Variants in LRP1B observed in about 807,000 individuals in gnomAD.
LRP1B encodes the protein low-density lipoprotein receptor-related protein 1B.
In LRP1B, 217 loss-of-function variants were observed where a neutral mutation model predicts 556.6. The observed-to-expected ratio is 0.39, with a 90% CI of 0.35 to 0.44. LRP1B has a LOEUF of 0.44. Among genes scored for constraint, LRP1B ranks in the 20% least tolerant of loss-of-function variants. LRP1B has a pLI of 1.00. For synonymous variants in LRP1B, 2,047 were observed against 1,865.8 expected (o/e 1.10, Z -2.50); for missense variants, 5,053 against 5,620.8 (o/e 0.90, Z 3.23).
At chr2:140,853,384 G>A (rs915018737) in intron 27 of LRP1B, among the ~76,000 whole-genome samples, 1 of 151,990 alleles carries the variant, frequency 6.6e-6, no homozygotes, top group Admixed American at 6.6e-5. Flanking sequence ...TTCCTCAGAA[G>A]GCTCCTATGT....
At chr2:140,757,393 C>T (rs2104907870) in intron 35 of LRP1B, among the ~76,000 whole-genome samples, 1 of 152,188 alleles carries the variant, frequency 6.6e-6, no homozygotes, top group South Asian at 2.1e-4. Context: ...GGAAATAACT[C>T]AAATGTCTAT....
intron 2 of LRP1B, among the ~76,000 whole-genome samples, chr2:141,524,280 A>ATATAT (rs1553528056): frequency 6.6e-6 from 1 of 151,306 alleles, no homozygotes. Flanking sequence ...ATATATATAT[A>ATATAT]AAACTCAATG....
chr2:141,330,715 T>C (rs1687606068), intron 3 of LRP1B, among the ~76,000 whole-genome samples: 1 of 151,392 alleles, frequency 6.6e-6, no homozygotes, highest in African/African-American at 2.4e-5. Flanking sequence ...CACTTAAAGA[T>C]AATCAGGGAT....
At chr2:140,340,639 T>C (rs531046822) in intron 77 of LRP1B, among the ~76,000 whole-genome samples, 2 of 151,106 alleles carry the variant, frequency 1.3e-5, no homozygotes, top group South Asian at 2.1e-4. Flanking sequence ...AAACGATTGG[T>C]TGAGGAGTAA....
intron 1 of LRP1B, among the ~76,000 whole-genome samples, chr2:141,905,236 G>A (rs1699722084): frequency 6.6e-6 from 1 of 151,862 alleles, no homozygotes. Flanking sequence ...CTAGGACAAA[G>A]GGCAGGGCTG....
intron 1 of LRP1B, among the ~76,000 whole-genome samples, chr2:142,046,317 C>G (rs1301360580): frequency 6.6e-6 from 1 of 151,890 alleles, no homozygotes; most frequent in Admixed American, 6.6e-5. Flanking sequence ...TGGCTCATTC[C>G]AGTTCCAGCA....
chr2:140,584,757 A>G (rs1681914791), intron 43 of LRP1B, among the ~76,000 whole-genome samples: 1 of 152,138 alleles, frequency 6.6e-6, no homozygotes, highest in African/African-American at 2.4e-5. Context: ...AATCAAAGGA[A>G]TTGTGTAAGA....
At chr2:141,145,680 C>T (rs113516863) in intron 7 of LRP1B, among the ~76,000 whole-genome samples, 16,344 of 150,562 alleles carry the variant, frequency 0.11, 1,031 homozygotes, top group South Asian at 0.18. Flanking sequence ...ATTATAGGCA[C>T]GCACCACCAC....
At chr2:140,750,593 C>T (rs2104893408) in intron 35 of LRP1B, among the ~76,000 whole-genome samples, 1 of 152,234 alleles carries the variant, frequency 6.6e-6, no homozygotes, top group East Asian at 1.9e-4. Flanking sequence ...CACTGTTACC[C>T]ATTTCTTCTA....
chr2:141,226,057 A>G (rs1210607442), intron 6 of LRP1B, among the ~76,000 whole-genome samples: 1 of 152,150 alleles, frequency 6.6e-6, no homozygotes, highest in Non-Finnish European at 1.5e-5. Context: ...AGTCTGACCC[A>G]AATGCAAACC....
At chr2:140,987,859 C>T (rs977150633) in intron 17 of LRP1B, among the ~76,000 whole-genome samples, 3 of 151,948 alleles carry the variant, frequency 2.0e-5, no homozygotes, top group Non-Finnish European at 2.9e-5. Context: ...TGGTGTGTGC[C>T]TGTAGTCCTA....
chr2:140,820,257 G>A (rs1289441244), intron 31 of LRP1B, among the ~76,000 whole-genome samples: 1 of 152,156 alleles, frequency 6.6e-6, no homozygotes, highest in African/African-American at 2.4e-5. Flanking sequence ...TGGAATTACA[G>A]GCATCAGCCA....
chr2:141,680,747 G>C (rs1691071145), intron 2 of LRP1B, among the ~76,000 whole-genome samples: 1 of 152,086 alleles, frequency 6.6e-6, no homozygotes. Context: ...AAAATTTCTA[G>C]GAAGTGTTGC....
chr2:140,997,891 A>C (rs536623047), intron 15 of LRP1B, among the ~76,000 whole-genome samples: 1 of 152,106 alleles, frequency 6.6e-6, no homozygotes, highest in African/African-American at 2.4e-5. Flanking sequence ...TCATAGCAGG[A>C]TGACCTTTCA....
chr2:142,034,966 T>G (rs899227313), intron 1 of LRP1B, among the ~76,000 whole-genome samples: 1 of 151,780 alleles, frequency 6.6e-6, no homozygotes, highest in Non-Finnish European at 1.5e-5. Flanking sequence ...ATATTTGATA[T>G]TTCTATGCAA....
intron 49 of LRP1B, among the ~76,000 whole-genome samples, chr2:140,522,757 C>G (rs1690238531): frequency 6.6e-6 from 1 of 151,708 alleles, no homozygotes; most frequent in South Asian, 2.1e-4. Flanking sequence ...CACAAAATAT[C>G]ATCAGAAACT....
intron 45 of LRP1B, among the ~76,000 whole-genome samples, chr2:140,539,298 T>G (rs1483834951): frequency 6.6e-6 from 1 of 152,120 alleles, no homozygotes; most frequent in Non-Finnish European, 1.5e-5. Context: ...GCCAGAAACA[T>G]TCTCATGTTC....
chr2:140,726,398 T>A (rs1055486010), intron 35 of LRP1B, among the ~76,000 whole-genome samples: 1 of 152,170 alleles, frequency 6.6e-6, no homozygotes, highest in Non-Finnish European at 1.5e-5. Flanking sequence ...CTCTTAGAAA[T>A]CACTGCTGTT....
At chr2:141,872,051 T>C (rs571838061) in intron 1 of LRP1B, among the ~76,000 whole-genome samples, 402 of 151,988 alleles carry the variant, frequency 2.6e-3, no homozygotes, top group Non-Finnish European at 4.0e-3. Context: ...GAATAAGACA[T>C]GTCTCAAACT....
Sources: gnomAD v4.1 joint callset for allele counts (sites outside exome capture counted in the v4.1 genomes callset) on GRCh38, gnomAD v4.1.1 for gene constraint, MANE v1.5 for transcripts, NCBI Gene and HGNC (gene_info 2026-07-23, HGNC 2026-07-21) for gene names.